Variants in COMMD7 observed in about 807,000 individuals in gnomAD.
COMMD7 encodes the protein COMM domain-containing protein 7.
In COMMD7, 28 loss-of-function variants were observed where a neutral mutation model predicts 34.8. The observed-to-expected ratio is 0.80, with a 90% CI of 0.60 to 1.10. COMMD7 has a LOEUF of 1.10. COMMD7 is among the 50% of genes least tolerant of loss of function. The probability of loss-of-function intolerance (pLI) is 0.00; values close to 1 mark genes in which losing one functional copy is unlikely to be tolerated. For synonymous variants in COMMD7, 80 were observed against 86.4 expected (o/e 0.93, Z 0.41); for missense variants, 211 against 241.6 (o/e 0.87, Z 0.84).
intron 8 of COMMD7, 119 bp downstream of exon 8, chr20:32,703,904 A>G: frequency 6.4e-7 from 1 of 1,568,588 alleles, no homozygotes; most frequent in Non-Finnish European, 8.7e-7. Flanking sequence ...TGGAACAGCT[A>G]CTCCACAGCT....
At chr20:32,727,812 A>T (rs1985601930) in intron 3 of COMMD7, 81 bp downstream of exon 3, 1 of 1,185,764 alleles carries the variant, frequency 8.4e-7, no homozygotes, top group Non-Finnish European at 1.3e-6. Flanking sequence ...TGGCCCACGG[A>T]GCATGCTTCA....
At chr20:32,728,400 C>T (rs1375181935) in intron 1 of COMMD7, among the ~76,000 whole-genome samples, 1 of 151,878 alleles carries the variant, frequency 6.6e-6, no homozygotes, top group African/African-American at 2.4e-5. Context: ...CATATGCACT[C>T]AGATGCACAC....
chr20:32,716,398 G>C (rs1347962838), intron 3 of COMMD7, among the ~76,000 whole-genome samples: 1 of 151,974 alleles, frequency 6.6e-6, no homozygotes, highest in Non-Finnish European at 1.5e-5. Flanking sequence ...GGCGGATCAC[G>C]AGGTCAGGAG....
chr20:32,708,042 A>G (rs28730896), intron 3 of COMMD7, among the ~76,000 whole-genome samples: 105,422 of 151,886 alleles, frequency 0.69, 37,248 homozygotes, highest in Middle Eastern at 0.82. Flanking sequence ...CACACAGTAC[A>G]CCAAGATGGA....
chr20:32,742,971 A>C (rs972260069), intron 1 of COMMD7, among the ~76,000 whole-genome samples: 48 of 149,366 alleles, frequency 3.2e-4, no homozygotes, highest in African/African-American at 1.1e-3. Flanking sequence ...CCTCATCTAG[A>C]CTCCCCTCCG....
At chr20:32,716,342 G>A (rs1425889073) in intron 3 of COMMD7, among the ~76,000 whole-genome samples, 2 of 152,088 alleles carry the variant, frequency 1.3e-5, no homozygotes, top group African/African-American at 2.4e-5. Context: ...TGGGCCGGGC[G>A]CAGTGGCTCA....
intron 7 of COMMD7, 46 bp downstream of exon 7, chr20:32,704,394 C>T (rs753448295): frequency 1.3e-6 from 2 of 1,550,954 alleles, no homozygotes; most frequent in South Asian, 1.2e-5. Flanking sequence ...TAATTTTTAA[C>T]CAAGTCAAAA....
At chr20:32,721,613 C>A (rs1224168877) in intron 3 of COMMD7, among the ~76,000 whole-genome samples, 4 of 152,084 alleles carry the variant, frequency 2.6e-5, no homozygotes, top group Non-Finnish European at 5.9e-5. Context: ...AGCACAGTGG[C>A]TCATGCCTGT....
At chr20:32,724,951 TA>T (rs1175774267) in intron 3 of COMMD7, among the ~76,000 whole-genome samples, 243 of 13,886 alleles carry the variant, frequency 0.017, 46 homozygotes, top group Middle Eastern at 0.17. Context: ...AAAATAAATT[TA>T]AAAAAAAAAA....
Position 32,710,993 on chromosome 20 carries a change from G to T in COMMD7, c.242-4233C>A, listed in dbSNP as rs191152547. On this transcript the variant is annotated intron_variant, in intron 3 of 8. Transcript: ENST00000278980. ...GCTGCTCAGGAGGCTAAAATAGGAG[G>T]ATCGCTTGAGCCCAGAAGTTTGAGG... Among the ~76,000 whole-genome samples, 440 of 152,218 alleles carry T rather than the reference G, an allele frequency of 2.9e-3. 4 individuals are homozygous for T. The highest frequency in any genetic ancestry group is 6.8e-3 in the Middle Eastern group (2 of 294).
intron 1 of COMMD7, 125 bp downstream of exon 1, chr20:32,743,183 C>T: frequency 1.3e-6 from 1 of 784,314 alleles, no homozygotes; most frequent in Non-Finnish European, 1.9e-6. Context: ...ACCCCAAACG[C>T]CCACAAGACG....
intron 1 of COMMD7, among the ~76,000 whole-genome samples, chr20:32,729,849 A>G (rs1985735305): frequency 7.9e-6 from 1 of 126,320 alleles, no homozygotes; most frequent in African/African-American, 2.8e-5. Context: ...TACTAAAACA[A>G]AAAACAAAAA....
At chr20:32,719,869 A>G (rs1985048471) in intron 3 of COMMD7, among the ~76,000 whole-genome samples, 1 of 152,040 alleles carries the variant, frequency 6.6e-6, no homozygotes, top group Admixed American at 6.6e-5. Context: ...TTAAGACAGG[A>G]GAATCATTTC....
chr20:32,719,760 CAT>C (rs1985042476), intron 3 of COMMD7, among the ~76,000 whole-genome samples: 1 of 152,096 alleles, frequency 6.6e-6, no homozygotes, highest in Non-Finnish European at 1.5e-5. Flanking sequence ...CATAATTTGA[CAT>C]AAAGGAATAG....
At chr20:32,737,915 G>A (rs1342795314) in intron 1 of COMMD7, among the ~76,000 whole-genome samples, 2 of 149,710 alleles carry the variant, frequency 1.3e-5, no homozygotes, top group Non-Finnish European at 3.0e-5. Context: ...CCAAGCTGGA[G>A]GTAATTTTAC....
chr20:32,738,697 A>C (rs994594613), intron 1 of COMMD7, among the ~76,000 whole-genome samples: 4 of 151,840 alleles, frequency 2.6e-5, no homozygotes, highest in Admixed American at 6.6e-5. Context: ...GCTTGATTAC[A>C]GGCATGAGCC....
intron 1 of COMMD7, among the ~76,000 whole-genome samples, chr20:32,728,659 T>C (rs181364275): frequency 6.7e-6 from 1 of 149,766 alleles, no homozygotes; most frequent in Non-Finnish European, 1.5e-5. Context: ...CTCTGCCTCC[T>C]GGGCTCAAGC....
At chr20:32,721,315 T>C (rs1020021583) in intron 3 of COMMD7, among the ~76,000 whole-genome samples, 2 of 152,054 alleles carry the variant, frequency 1.3e-5, no homozygotes, top group Non-Finnish European at 2.9e-5. Flanking sequence ...CTCTATTTAT[T>C]TTTTAAATAA....
chr20:32,730,634 A>C (rs897154758), intron 1 of COMMD7, among the ~76,000 whole-genome samples: 1 of 152,182 alleles, frequency 6.6e-6, no homozygotes, highest in African/African-American at 2.4e-5. Flanking sequence ...GCCAGGGTTT[A>C]AAAGACCCAG....
Sources: allele counts gnomAD v4.1 joint callset (sites outside exome capture counted in the v4.1 genomes callset), GRCh38; gene constraint gnomAD v4.1.1; transcripts MANE v1.5; gene names NCBI Gene and HGNC (gene_info 2026-07-23, HGNC 2026-07-21).